The following MYO9A variants were observed in gnomAD, a reference collection of about 807,000 sequenced individuals.
MYO9A encodes myosin IXA.
A neutral mutation model predicts 293.3 loss-of-function variants in MYO9A; 103 were observed. That is an observed-to-expected ratio of 0.35 (90% CI 0.30 to 0.41). The LOEUF (loss-of-function observed/expected upper bound fraction) is 0.41. MYO9A is among the 10% of genes least tolerant of loss of function. The probability of loss-of-function intolerance (pLI) is 1.00; values close to 1 mark genes in which losing one functional copy is unlikely to be tolerated. For synonymous variants in MYO9A, 1,001 were observed against 1,035.7 expected, an observed-to-expected ratio of 0.97 and a Z score of 0.64; for missense variants, 2,685 against 3,033.0, an observed-to-expected ratio of 0.89 and a Z score of 2.69.
chr15:71,868,408 T>C (rs899052770), intron 32 of MYO9A, among the ~76,000 whole-genome samples: 2 of 152,222 alleles, frequency 1.3e-5, no homozygotes, highest in Admixed American at 1.3e-4. Context: ...TCTTACTGAC[T>C]CTTCTGTCTT....
rs2079498145 is a variant in MYO9A, at chr15:72,080,237, G to C, written c.-71-33603C>G. 4.0e-5 allele frequency among the ~76,000 whole-genome samples: 6 copies of C among 151,234 alleles called. 1 individual carries two copies. Among genetic ancestry groups the C allele is most frequent in the Admixed American group, 3.3e-4 (5 of 15,190 alleles). On this transcript the variant is annotated intron_variant, in intron 1 of 41. Coordinates refer to ENST00000356056, the MANE Select transcript of MYO9A (RefSeq NM_006901.4). ...TTATATCAGAATAAGGAAGAAAACT[G>C]GTCTGAGATGTGCTATTATGATATA...
At chr15:72,059,225 G>A (rs1400348638) in intron 1 of MYO9A, among the ~76,000 whole-genome samples, 2 of 152,176 alleles carry the variant, frequency 1.3e-5, no homozygotes, top group Non-Finnish European at 2.9e-5. Flanking sequence ...TTTAGGACAG[G>A]CGAGACCCTG....
chr15:71,935,180 G>T, intron 17 of MYO9A, 161 bp downstream of exon 17: 2 of 739,966 alleles, frequency 2.7e-6, no homozygotes, highest in Non-Finnish European at 4.2e-6. Context: ...ATTCATGGCT[G>T]TAAACGCTAC....
intron 18 of MYO9A, among the ~76,000 whole-genome samples, chr15:71,918,185 G>A (rs1449847946): frequency 6.6e-6 from 1 of 152,090 alleles, no homozygotes; most frequent in Non-Finnish European, 1.5e-5. Context: ...ACTGACAAGA[G>A]CCAGTATTCA....
intron 13 of MYO9A, 105 bp from the exon 14 acceptor site, chr15:71,960,201 T>C: frequency 3.0e-6 from 3 of 986,864 alleles, no homozygotes; most frequent in Non-Finnish European, 4.5e-6. Flanking sequence ...AAACCTCATA[T>C]TGAAATGTGA....
At chr15:71,869,638 C>T (rs2056446313) in intron 32 of MYO9A, among the ~76,000 whole-genome samples, 1 of 151,936 alleles carries the variant, frequency 6.6e-6, no homozygotes, top group African/African-American at 2.4e-5. Context: ...TATAACACTG[C>T]AATTATATTA....
At chr15:71,936,178 C>A (rs1002444951) in intron 16 of MYO9A, among the ~76,000 whole-genome samples, 1 of 151,980 alleles carries the variant, frequency 6.6e-6, no homozygotes, top group Non-Finnish European at 1.5e-5. Context: ...CATGGACAAA[C>A]ATAGAGTACA....
intron 2 of MYO9A, chr15:72,041,598 G>A: frequency 3.5e-6 from 1 of 289,184 alleles, no homozygotes; most frequent in Non-Finnish European, 6.8e-6. Context: ...GCACTGCATA[G>A]GGTGAGTGCT....
At chr15:71,869,536 G>A (rs144206734) in intron 32 of MYO9A, among the ~76,000 whole-genome samples, 3 of 152,288 alleles carry the variant, frequency 2.0e-5, no homozygotes, top group Admixed American at 6.5e-5. Context: ...CAAATATCTT[G>A]TTAAAAAGGA....
At chr15:72,103,960 C>G (rs1271453322) in intron 1 of MYO9A, among the ~76,000 whole-genome samples, 1 of 152,118 alleles carries the variant, frequency 6.6e-6, no homozygotes, top group Non-Finnish European at 1.5e-5. Context: ...TTATTATTTC[C>G]CTTAAACTGA....
chr15:72,065,613 T>G (rs1373968274), intron 1 of MYO9A, among the ~76,000 whole-genome samples: 1 of 144,598 alleles, frequency 6.9e-6, no homozygotes, highest in East Asian at 2.1e-4. Flanking sequence ...CCATAAAAAA[T>G]AATAAATTTG....
At chr15:71,952,837 A>G (rs965389849) in intron 14 of MYO9A, among the ~76,000 whole-genome samples, 37 of 152,236 alleles carry the variant, frequency 2.4e-4, no homozygotes, top group Non-Finnish European at 1.5e-4. Flanking sequence ...ACAACAGAAC[A>G]ATCTTTGGAA....
chr15:71,999,464 C>T (rs1252012935), intron 9 of MYO9A, among the ~76,000 whole-genome samples: 24 of 151,794 alleles, frequency 1.6e-4, no homozygotes, highest in Admixed American at 1.5e-3. Flanking sequence ...GAACTGCAAA[C>T]AAGTAGCCAA....
At chr15:72,043,735 C>G (rs779189971) in intron 2 of MYO9A, among the ~76,000 whole-genome samples, 2 of 152,114 alleles carry the variant, frequency 1.3e-5, no homozygotes, top group Non-Finnish European at 2.9e-5. Flanking sequence ...TATGAGGAAA[C>G]TCTGGGGATA....
intron 2 of MYO9A, among the ~76,000 whole-genome samples, chr15:72,034,296 G>C (rs186385400): frequency 6.6e-6 from 1 of 152,160 alleles, no homozygotes; most frequent in Non-Finnish European, 1.5e-5. Flanking sequence ...CCCCCTTCGA[G>C]TGGTTCAGAT....
intron 1 of MYO9A, chr15:72,114,301 C>T (rs1328005612): frequency 3.9e-5 from 6 of 152,218 alleles, no homozygotes; most frequent in Non-Finnish European, 1.5e-5. Context: ...GAGGGCATGA[C>T]AAGAGGCAGA....
At chr15:72,000,721 C>A (rs1304803589) in intron 8 of MYO9A, among the ~76,000 whole-genome samples, 1 of 152,152 alleles carries the variant, frequency 6.6e-6, no homozygotes, top group East Asian at 1.9e-4. Flanking sequence ...TTCATTGCAG[C>A]CTCGACCGCC....
At chr15:71,998,565 C>CTT (rs11443228) in intron 9 of MYO9A, among the ~76,000 whole-genome samples, 67 of 140,024 alleles carry the variant, frequency 4.8e-4, no homozygotes, top group East Asian at 8.1e-4. Flanking sequence ...TTTTTTTTGT[C>CTT]TTTTTTTTTC....
intron 19 of MYO9A, among the ~76,000 whole-genome samples, chr15:71,914,314 T>C (rs191117053): frequency 6.6e-6 from 1 of 152,206 alleles, no homozygotes; most frequent in African/African-American, 2.4e-5. Flanking sequence ...TCTGAAAATA[T>C]TTGACTCATA....
Sources: gnomAD v4.1 joint callset for allele counts (sites outside exome capture counted in the v4.1 genomes callset) on GRCh38, gnomAD v4.1.1 for gene constraint, MANE v1.5 for transcripts, NCBI Gene and HGNC (gene_info 2026-07-23, HGNC 2026-07-21) for gene names.